The following C8orf34 variants were observed in gnomAD, a reference collection of about 807,000 sequenced individuals.
The protein encoded by C8orf34 is uncharacterized protein C8orf34.
C8orf34 carries 65 observed loss-of-function variants against 68.3 expected under a neutral mutation model. The ratio of observed to expected loss-of-function variants is 0.95; its 90% CI spans 0.78 to 1.17. The LOEUF is 1.17. C8orf34 is among the 50% of genes most tolerant of loss of function. The pLI is 0.00. For synonymous variants in C8orf34, 244 were observed against 241.2 expected (o/e 1.01, Z -0.11); for missense variants, 664 against 655.4 (o/e 1.01, Z -0.14).
In C8orf34 at chr8:68,810,307, G is replaced by A. The variant is rs181868725; in HGVS notation, c.1550-5579G>A. Among the ~76,000 whole-genome samples the A allele has an allele frequency of 1.9e-4, 29 of 152,310 alleles. No homozygotes were observed. The East Asian group carries it at 3.9e-3, about 20-fold the overall frequency. ...GGCAGGCAGCTCCAGGTGCCAGCAC[G>A]GACATTGTCTCCTTTGAGGCTGCGG... On this transcript the variant is annotated intron_variant, in intron 12 of 13. Coordinates refer to ENST00000518698, the MANE Select transcript of C8orf34 (RefSeq NM_052958.4).
At chr8:68,480,778 C>T (rs1316420882) in intron 4 of C8orf34, among the ~76,000 whole-genome samples, 4 of 151,924 alleles carry the variant, frequency 2.6e-5, no homozygotes, top group Non-Finnish European at 4.4e-5. Context: ...TTTAGTGTAT[C>T]TGGCAGAAGA....
intron 7 of C8orf34, among the ~76,000 whole-genome samples, chr8:68,572,962 C>T (rs1816799896): frequency 6.6e-6 from 1 of 152,144 alleles, no homozygotes; most frequent in Non-Finnish European, 1.5e-5. Context: ...TCACACTCAG[C>T]TCTTCAAATA....
chr8:68,571,872 T>C (rs549945038), intron 7 of C8orf34, among the ~76,000 whole-genome samples: 5 of 152,222 alleles, frequency 3.3e-5, no homozygotes, highest in African/African-American at 1.2e-4. Context: ...AAATAATATA[T>C]ATAGTTATGT....
chr8:68,426,874 AAAACC>A (rs55834572), intron 1 of C8orf34, among the ~76,000 whole-genome samples: 21 of 151,076 alleles, frequency 1.4e-4, no homozygotes, highest in African/African-American at 2.9e-4. Context: ...CGTCTAAAAA[AAAACC>A]AAACCAAACC....
intron 8 of C8orf34, among the ~76,000 whole-genome samples, chr8:68,686,722 G>A (rs11996982): frequency 0.074 from 11,199 of 152,148 alleles, 607 homozygotes; most frequent in African/African-American, 0.15. Flanking sequence ...AACAAGACAA[G>A]GATGTCCACT....
At chr8:68,511,134 C>A (rs2129633311) in intron 5 of C8orf34, among the ~76,000 whole-genome samples, 1 of 152,286 alleles carries the variant, frequency 6.6e-6, no homozygotes, top group East Asian at 1.9e-4. Flanking sequence ...CTGATGCAAA[C>A]AACTATATTG....
intron 7 of C8orf34, among the ~76,000 whole-genome samples, chr8:68,600,483 T>C (rs1187361135): frequency 6.6e-6 from 1 of 152,150 alleles, no homozygotes; most frequent in Non-Finnish European, 1.5e-5. Flanking sequence ...TTTTAATAAA[T>C]CTCTTTAGCC....
At chr8:68,360,876 C>T (rs1209124288) in intron 1 of C8orf34, among the ~76,000 whole-genome samples, 5 of 151,560 alleles carry the variant, frequency 3.3e-5, no homozygotes, top group African/African-American at 9.7e-5. Context: ...CCTTAGCCTC[C>T]CGAGTAGCTG....
intron 1 of C8orf34, among the ~76,000 whole-genome samples, chr8:68,350,348 CA>C (rs1338243239): frequency 6.6e-6 from 1 of 151,360 alleles, no homozygotes; most frequent in Non-Finnish European, 1.5e-5. Flanking sequence ...GTTTTATGTT[CA>C]ATTATGTAGC....
intron 12 of C8orf34, among the ~76,000 whole-genome samples, chr8:68,797,426 A>G (rs1196589273): frequency 6.6e-6 from 1 of 152,046 alleles, no homozygotes; most frequent in Non-Finnish European, 1.5e-5. Flanking sequence ...TTCCCCTCTC[A>G]TTACTAGGAG....
chr8:68,574,433 T>A (rs1816845093), intron 7 of C8orf34, among the ~76,000 whole-genome samples: 1 of 152,080 alleles, frequency 6.6e-6, no homozygotes. Context: ...AAAATTAGCA[T>A]AAGATTAGTA....
intron 7 of C8orf34, among the ~76,000 whole-genome samples, chr8:68,584,793 G>T (rs1817161130): frequency 6.6e-6 from 1 of 152,074 alleles, no homozygotes; most frequent in Non-Finnish European, 1.5e-5. Context: ...CATAGAAATG[G>T]AATATTTGGC....
intron 1 of C8orf34, among the ~76,000 whole-genome samples, chr8:68,371,159 T>C (rs1807543714): frequency 6.6e-6 from 1 of 152,148 alleles, no homozygotes. Flanking sequence ...TTCAGTTTCT[T>C]TTACTTCCAT....
chr8:68,438,235 A>C (rs979341757), intron 1 of C8orf34: 3 of 152,250 alleles, frequency 2.0e-5, no homozygotes, highest in African/African-American at 7.2e-5. Context: ...CAAGTGCTAC[A>C]GTAGGGGTGG....
chr8:68,634,626 C>T (rs553376202), intron 7 of C8orf34, among the ~76,000 whole-genome samples: 2 of 152,178 alleles, frequency 1.3e-5, no homozygotes, highest in Non-Finnish European at 2.9e-5. Context: ...ACTAGTGAGA[C>T]CTAGATTGTA....
chr8:68,543,672 T>G (rs909480679), intron 7 of C8orf34, among the ~76,000 whole-genome samples: 5 of 152,204 alleles, frequency 3.3e-5, no homozygotes, highest in Non-Finnish European at 5.9e-5. Flanking sequence ...AAACACTAAC[T>G]ATGCAACACG....
At chr8:68,637,161 C>T (rs573752421) in intron 7 of C8orf34, among the ~76,000 whole-genome samples, 1 of 152,188 alleles carries the variant, frequency 6.6e-6, no homozygotes, top group African/African-American at 2.4e-5. Context: ...TTGTTCAACT[C>T]TCTTGCCAAC....
intron 1 of C8orf34, among the ~76,000 whole-genome samples, chr8:68,382,457 A>G (rs1281946567): frequency 6.6e-6 from 1 of 152,238 alleles, no homozygotes; most frequent in Non-Finnish European, 1.5e-5. Flanking sequence ...AGATTTCAAG[A>G]GTTCAAAAGT....
At chr8:68,492,189 C>A (rs780184447) in intron 5 of C8orf34, among the ~76,000 whole-genome samples, 23 of 152,114 alleles carry the variant, frequency 1.5e-4, no homozygotes, top group Admixed American at 9.8e-4. Context: ...TAGTATCTAC[C>A]AAATTAAGCC....
Sources: allele counts gnomAD v4.1 joint callset (sites outside exome capture counted in the v4.1 genomes callset), GRCh38; gene constraint gnomAD v4.1.1; transcripts MANE v1.5; gene names NCBI Gene and HGNC (gene_info 2026-07-23, HGNC 2026-07-21).